Variants in TIMP3 observed in about 807,000 individuals in gnomAD.
The protein encoded by TIMP3 is TIMP metallopeptidase inhibitor 3, also known as metalloproteinase inhibitor 3.
In TIMP3, 11 loss-of-function variants were observed where a neutral mutation model predicts 30.0. The ratio of observed to expected loss-of-function variants is 0.37; its 90% CI spans 0.23 to 0.61. TIMP3 has a LOEUF of 0.61. Ranked by LOEUF, TIMP3 falls within the 20% of genes least tolerant of loss-of-function variation. TIMP3 has a pLI of 0.70. For missense variants in TIMP3, 181 were observed against 276.8 expected, an observed-to-expected ratio of 0.65 and a Z score of 2.45; for synonymous variants, 112 against 111.3, an observed-to-expected ratio of 1.01 and a Z score of -0.04.
chr22:32,817,463 C>G (rs2047118101), intron 1 of TIMP3, among the ~76,000 whole-genome samples: 1 of 152,148 alleles, frequency 6.6e-6, no homozygotes, highest in Non-Finnish European at 1.5e-5. Context: ...GCCCACTTGC[C>G]TGCCATTGTG....
At chr22:32,807,356 A>ATT (rs1569239637) in intron 1 of TIMP3, among the ~76,000 whole-genome samples, 16 of 4,116 alleles carry the variant, frequency 3.9e-3, no homozygotes, top group South Asian at 0.022. Flanking sequence ...TAAATATATA[A>ATT]TATATAATAT....
chr22:32,830,355 T>C (rs961956671), intron 1 of TIMP3, among the ~76,000 whole-genome samples: 2 of 152,168 alleles, frequency 1.3e-5, no homozygotes, highest in Admixed American at 6.5e-5. Context: ...CCTTGTATGA[T>C]TGCATCTCCC....
intron 1 of TIMP3, among the ~76,000 whole-genome samples, chr22:32,814,051 A>G (rs1226634669): frequency 1.3e-5 from 2 of 151,374 alleles, no homozygotes; most frequent in Non-Finnish European, 2.9e-5. Context: ...TAAAAGTATC[A>G]TGAATGAATA....
intron 1 of TIMP3, among the ~76,000 whole-genome samples, chr22:32,808,411 G>A (rs141242852): frequency 3.3e-5 from 5 of 152,320 alleles, no homozygotes; most frequent in African/African-American, 1.2e-4. Context: ...ACTGCCGAGA[G>A]GGAGGCTGGG....
At chr22:32,829,963 C>T (rs1569258174) in intron 1 of TIMP3, among the ~76,000 whole-genome samples, 1 of 152,198 alleles carries the variant, frequency 6.6e-6, no homozygotes, top group Admixed American at 6.5e-5. Flanking sequence ...CCTCTCTCTG[C>T]ATTGCTCTGG....
At chr22:32,851,519 C>A (rs1268500617) in intron 2 of TIMP3, among the ~76,000 whole-genome samples, 2 of 152,122 alleles carry the variant, frequency 1.3e-5, no homozygotes, top group African/African-American at 4.8e-5. Context: ...AGACACACTC[C>A]CACTCCCAGA....
intron 1 of TIMP3, among the ~76,000 whole-genome samples, chr22:32,815,220 A>T (rs1033834027): frequency 6.6e-6 from 1 of 152,198 alleles, no homozygotes; most frequent in Non-Finnish European, 1.5e-5. Context: ...TTTTGGGCTG[A>T]CCAAGGCTCA....
intron 1 of TIMP3, among the ~76,000 whole-genome samples, chr22:32,830,068 C>T (rs765633125): frequency 2.6e-5 from 4 of 152,138 alleles, no homozygotes; most frequent in African/African-American, 4.8e-5. Flanking sequence ...GTGGGGCAGC[C>T]GACATTTCAG....
At chr22:32,819,431 T>G (rs1350877421) in intron 1 of TIMP3, among the ~76,000 whole-genome samples, 3 of 152,254 alleles carry the variant, frequency 2.0e-5, no homozygotes, top group Admixed American at 2.0e-4. Context: ...TTTACCTTTT[T>G]TTCTCAACCA....
chr22:32,823,131 G>A (rs2047300926), intron 1 of TIMP3, among the ~76,000 whole-genome samples: 1 of 152,200 alleles, frequency 6.6e-6, no homozygotes, highest in Admixed American at 6.5e-5. Context: ...ACAATGGTGG[G>A]AAAGCAAGGA....
Position 32,861,726 on chromosome 22 carries a change from C to G in TIMP3, c.*2349C>G, listed in dbSNP as rs572705306. The G allele has an allele frequency of 6.6e-6, 1 of 152,302 alleles. No homozygotes were observed. Among genetic ancestry groups the G allele is most frequent in the Non-Finnish European group, 1.5e-5 (1 of 67,960 alleles). The allele number at this position is 152,302 out of a possible 1,614,324, so 9.4% of individuals were successfully genotyped here. A position where few individuals can be genotyped will look rare whatever the true frequency, so the allele number is the denominator to read the frequency against. The stretch of plus-strand genomic sequence containing the variant: ...AGGCCCTGGGCAAAGAAGGGTCTTT[C>G]GCAAAGCGATGTCAGAGGGCGGTTT... On this transcript the variant is annotated 3_prime_UTR_variant, in exon 5 of 5. Transcript: ENST00000266085.
At chr22:32,823,417 T>G (rs1025440328) in intron 1 of TIMP3, among the ~76,000 whole-genome samples, 1 of 152,178 alleles carries the variant, frequency 6.6e-6, no homozygotes, top group Admixed American at 6.5e-5. Flanking sequence ...TGAGCTAGAT[T>G]TGAACCTGGG....
At chr22:32,812,908 G>C (rs983673151) in intron 1 of TIMP3, among the ~76,000 whole-genome samples, 1 of 152,246 alleles carries the variant, frequency 6.6e-6, no homozygotes, top group Non-Finnish European at 1.5e-5. Flanking sequence ...CAAGGACTGA[G>C]AGATCCAAGA....
intron 2 of TIMP3, among the ~76,000 whole-genome samples, chr22:32,852,423 G>A (rs2048246510): frequency 6.6e-6 from 1 of 152,084 alleles, no homozygotes; most frequent in Non-Finnish European, 1.5e-5. Flanking sequence ...TCCTGCAAAG[G>A]GTGTATCAGA....
intron 2 of TIMP3, among the ~76,000 whole-genome samples, chr22:32,854,755 C>T (rs2048317695): frequency 6.6e-6 from 1 of 152,180 alleles, no homozygotes; most frequent in African/African-American, 2.4e-5. Context: ...GCACTTCTTC[C>T]AGCACTTGGC....
chr22:32,859,072 C>A, intron 4 of TIMP3, 108 bp from the exon 5 acceptor site: 2 of 1,039,134 alleles, frequency 1.9e-6, no homozygotes, highest in Non-Finnish European at 3.0e-6. Context: ...ACTGATGTGG[C>A]TAGGCTTCCC....
At chr22:32,846,318 T>C (rs2048061409) in intron 1 of TIMP3, among the ~76,000 whole-genome samples, 1 of 152,210 alleles carries the variant, frequency 6.6e-6, no homozygotes, top group African/African-American at 2.4e-5. Context: ...TCCCTGAAGT[T>C]CTGTAAGGCT....
At chr22:32,826,603 AAAAG>A (rs1014785420) in intron 1 of TIMP3, among the ~76,000 whole-genome samples, 6 of 152,224 alleles carry the variant, frequency 3.9e-5, no homozygotes, top group African/African-American at 1.4e-4. Flanking sequence ...TTAACACTTT[AAAAG>A]AAAGAAAGAA....
At chr22:32,847,914 C>A (rs1199190552) in intron 1 of TIMP3, among the ~76,000 whole-genome samples, 2 of 152,246 alleles carry the variant, frequency 1.3e-5, no homozygotes, top group African/African-American at 4.8e-5. Context: ...ACCCTCATCA[C>A]ACCCCCTGAT....
Sources: gnomAD v4.1 joint callset for allele counts (sites outside exome capture counted in the v4.1 genomes callset) on GRCh38, gnomAD v4.1.1 for gene constraint, MANE v1.5 for transcripts, NCBI Gene and HGNC (gene_info 2026-07-23, HGNC 2026-07-21) for gene names.